ROBO2: variants seen among roughly 807,000 people sequenced by gnomAD.
ROBO2 encodes roundabout homolog 2.
Under a neutral mutation model 160.8 loss-of-function variants are expected in ROBO2, and 53 were observed. The ratio of observed to expected loss-of-function variants is 0.33; its 90% CI spans 0.26 to 0.41. ROBO2 has a LOEUF of 0.41. ROBO2 is among the 10% of genes least tolerant of loss of function. The probability of loss-of-function intolerance (pLI) is 1.00; values close to 1 mark genes in which losing one functional copy is unlikely to be tolerated. For missense variants in ROBO2, 1,577 were observed against 1,722.4 expected (o/e 0.92, Z 1.49); for synonymous variants, 664 against 611.7 (o/e 1.09, Z -1.26).
intron 2 of ROBO2, among the ~76,000 whole-genome samples, chr3:76,358,083 C>A (rs2075285354): frequency 1.3e-5 from 2 of 151,994 alleles, no homozygotes; most frequent in South Asian, 4.1e-4. Flanking sequence ...TACTCTAAGT[C>A]TTATGTCAAA....
At chr3:76,723,415 C>G (rs1346095614) in intron 2 of ROBO2, among the ~76,000 whole-genome samples, 1 of 152,062 alleles carries the variant, frequency 6.6e-6, no homozygotes, top group Non-Finnish European at 1.5e-5. Flanking sequence ...AGTGACAAGA[C>G]TATTTGTTTG....
chr3:76,937,868 T>G (rs542270782), intron 2 of ROBO2, among the ~76,000 whole-genome samples: 1 of 152,202 alleles, frequency 6.6e-6, no homozygotes, highest in Non-Finnish European at 1.5e-5. Flanking sequence ...AGTGTTACCG[T>G]ACCCTCTACC....
At chr3:77,278,209 A>G (rs982535443) in intron 2 of ROBO2, among the ~76,000 whole-genome samples, 1 of 152,188 alleles carries the variant, frequency 6.6e-6, no homozygotes, top group African/African-American at 2.4e-5. Flanking sequence ...ATGTAAATCT[A>G]CTTAAACAGC....
intron 2 of ROBO2, among the ~76,000 whole-genome samples, chr3:76,474,406 A>G (rs2078823357): frequency 6.6e-6 from 1 of 152,102 alleles, no homozygotes; most frequent in Admixed American, 6.6e-5. Context: ...CTAACTTTCT[A>G]CACATTTTAA....
chr3:76,783,072 G>A (rs1294650702), intron 2 of ROBO2, among the ~76,000 whole-genome samples: 1 of 150,490 alleles, frequency 6.6e-6, no homozygotes, highest in South Asian at 2.1e-4. Flanking sequence ...TGATTTCCAT[G>A]AGACTTATAT....
intron 2 of ROBO2, among the ~76,000 whole-genome samples, chr3:75,947,257 T>G (rs951831021): frequency 6.6e-6 from 1 of 152,086 alleles, no homozygotes; most frequent in Non-Finnish European, 1.5e-5. Context: ...AGTGGAGATA[T>G]CAAGTAGGCA....
chr3:77,220,671 A>T (rs1271626617), intron 2 of ROBO2, among the ~76,000 whole-genome samples: 1 of 152,134 alleles, frequency 6.6e-6, no homozygotes, highest in African/African-American at 2.4e-5. Context: ...TCTTCCAGTG[A>T]TGTATACTTA....
intron 2 of ROBO2, among the ~76,000 whole-genome samples, chr3:77,429,843 CA>C (rs1430251783): frequency 6.6e-6 from 1 of 152,024 alleles, no homozygotes; most frequent in Non-Finnish European, 1.5e-5. Context: ...TGGCCCCACA[CA>C]AATCACACCT....
At chr3:76,459,771 G>A (rs1319373699) in intron 2 of ROBO2, among the ~76,000 whole-genome samples, 10 of 151,986 alleles carry the variant, frequency 6.6e-5, no homozygotes, top group Admixed American at 6.6e-4. Context: ...CTAATAAAAG[G>A]TAATAAAAAC....
intron 2 of ROBO2, among the ~76,000 whole-genome samples, chr3:76,612,242 A>C (rs1404315504): frequency 6.6e-6 from 1 of 151,996 alleles, no homozygotes. Context: ...CTGTTGGATA[A>C]AATGTTCTGT....
intron 2 of ROBO2, among the ~76,000 whole-genome samples, chr3:76,033,905 T>C (rs527916944): frequency 6.6e-6 from 1 of 152,274 alleles, no homozygotes; most frequent in Non-Finnish European, 1.5e-5. Context: ...ATCCTGGAAT[T>C]CTTTATGTGG....
At chr3:77,107,413 T>C (rs2072956229) in intron 2 of ROBO2, among the ~76,000 whole-genome samples, 1 of 152,172 alleles carries the variant, frequency 6.6e-6, no homozygotes, top group Admixed American at 6.6e-5. Context: ...GGCTGTTCTT[T>C]CTCACCGATA....
intron 2 of ROBO2, among the ~76,000 whole-genome samples, chr3:76,601,761 G>A (rs2087162291): frequency 6.6e-6 from 1 of 152,156 alleles, no homozygotes; most frequent in South Asian, 2.1e-4. Context: ...CATAGTCCTG[G>A]GGATTAACAT....
chr3:76,711,129 G>T (rs527765301), intron 2 of ROBO2, among the ~76,000 whole-genome samples: 1 of 152,134 alleles, frequency 6.6e-6, no homozygotes, highest in Non-Finnish European at 1.5e-5. Context: ...AACTACCCAA[G>T]ACTGGGAAAT....
intron 2 of ROBO2, among the ~76,000 whole-genome samples, chr3:77,476,285 C>T (rs139213650): frequency 2.0e-4 from 31 of 152,146 alleles, no homozygotes; most frequent in African/African-American, 6.3e-4. Context: ...TCCCCAGTCG[C>T]GGCACATGAT....
chr3:76,493,537 A>G (rs181990590), intron 2 of ROBO2, among the ~76,000 whole-genome samples: 2 of 151,944 alleles, frequency 1.3e-5, no homozygotes. Flanking sequence ...CTCTTCCACT[A>G]AAATATTAAA....
intron 2 of ROBO2, among the ~76,000 whole-genome samples, chr3:76,591,900 C>T (rs988035159): frequency 1.3e-5 from 2 of 151,894 alleles, no homozygotes; most frequent in Non-Finnish European, 2.9e-5. Flanking sequence ...ATCAAAATGC[C>T]AGGCCATGTA....
At chr3:76,932,675 G>A (rs568565842) in intron 2 of ROBO2, among the ~76,000 whole-genome samples, 43 of 152,148 alleles carry the variant, frequency 2.8e-4, no homozygotes, top group African/African-American at 1.0e-3. Flanking sequence ...TTGCTTAAGA[G>A]AACTACCTAC....
rs543102646 is a variant in ROBO2 at position 77,261,615 on chromosome 3, G to A, written c.388+163275G>A. On this transcript the variant is annotated intron_variant, in intron 2 of 25. Transcript: ENST00000461745. Reference sequence around the variant, plus strand: ...TCATAAATCAGCAGTGAAATACTAAGGACATAGATGCTCACAGCTGCATGC... The same window carrying A: ...TCATAAATCAGCAGTGAAATACTAAAGACATAGATGCTCACAGCTGCATGC... Among the ~76,000 whole-genome samples the A allele has an allele frequency of 2.6e-3, 391 of 152,158 alleles. 1 individual carries two copies. The highest frequency in any genetic ancestry group is 4.7e-3 in the Non-Finnish European group (319 of 68,016).
Sources: gnomAD v4.1 joint callset for allele counts (sites outside exome capture counted in the v4.1 genomes callset) on GRCh38, gnomAD v4.1.1 for gene constraint, MANE v1.5 for transcripts, NCBI Gene and HGNC (gene_info 2026-07-23, HGNC 2026-07-21) for gene names.